Variants in DCC observed in about 807,000 individuals in gnomAD.
The protein encoded by DCC is netrin receptor DCC.
Under a neutral mutation model 172.5 loss-of-function variants are expected in DCC, and 58 were observed. That is an observed-to-expected ratio of 0.34 (90% CI 0.27 to 0.42). The LOEUF is 0.42. Ranked by LOEUF, DCC falls within the 10% of genes least tolerant of loss-of-function variation. The probability of loss-of-function intolerance (pLI) is 1.00; values close to 1 mark genes in which losing one functional copy is unlikely to be tolerated. For missense variants in DCC, 1,740 were observed against 1,791.0 expected (o/e 0.97, Z 0.51); for synonymous variants, 709 against 644.5 (o/e 1.10, Z -1.52).
At chr18:53,057,349 T>C (rs1599079097) in intron 5 of DCC, among the ~76,000 whole-genome samples, 2 of 152,216 alleles carry the variant, frequency 1.3e-5, no homozygotes, top group Admixed American at 1.3e-4. Context: ...CTCTTAACAA[T>C]TGCAGTCTGG....
At chr18:53,162,554 T>C (rs1014579016) in intron 8 of DCC, among the ~76,000 whole-genome samples, 3 of 152,140 alleles carry the variant, frequency 2.0e-5, no homozygotes, top group African/African-American at 7.2e-5. Flanking sequence ...CTCATGTTAC[T>C]TCTCTAACCT....
intron 5 of DCC, among the ~76,000 whole-genome samples, chr18:52,951,243 GCCT>G (rs2040641480): frequency 6.6e-6 from 1 of 152,022 alleles, no homozygotes; most frequent in African/African-American, 2.4e-5. Flanking sequence ...ACACTAACCT[GCCT>G]CCATAGGGCA....
intron 13 of DCC, among the ~76,000 whole-genome samples, chr18:53,315,120 C>A (rs564113469): frequency 1.3e-4 from 20 of 152,148 alleles, no homozygotes; most frequent in East Asian, 5.8e-4. Context: ...CCTAGCCCCC[C>A]ACTCCCTGAC....
chr18:52,910,081 G>GA (rs756356193), intron 3 of DCC, among the ~76,000 whole-genome samples: 1 of 152,164 alleles, frequency 6.6e-6, no homozygotes, highest in Non-Finnish European at 1.5e-5. Flanking sequence ...TGGTAAGGAG[G>GA]ATGAGGTGGA....
In DCC at chr18:53,339,886, T is replaced by C; in HGVS notation, c.2338T>C (p.Tyr780His). 6.2e-7 allele frequency: 1 copy of C among 1,613,714 alleles called. No individual in the cohort carries two copies. The highest frequency in any genetic ancestry group is 8.5e-7 in the Non-Finnish European group (1 of 1,179,760). Reference protein sequence around the residue: ...ETVRVDSKQRYYSIERLESSS... With the variant: ...ETVRVDSKQRHYSIERLESSS... ...AGTGCGTGTGGACAGCAAGCAGCGA[T>C]ATTATTCCATTGAGAGGTTAGGTGA... The change falls in exon 15 of 29, where the codon TAT (tyrosine) becomes CAT (histidine). Residue 780 changes from tyrosine (Y) to histidine (H), a missense_variant. Around this residue, in one of 2 missense-constraint regions of DCC, gnomAD observed 1,732 missense variants for 1,767.4 expected, o/e 0.98. Coordinates refer to ENST00000442544, the MANE Select transcript of DCC (RefSeq NM_005215.4).
intron 5 of DCC, among the ~76,000 whole-genome samples, chr18:53,062,569 G>T (rs1017779329): frequency 6.6e-6 from 1 of 152,044 alleles, no homozygotes; most frequent in Non-Finnish European, 1.5e-5. Context: ...CCTAGGCAAG[G>T]TTTTGTGGGC....
At chr18:52,869,909 C>T (rs1354657635) in intron 2 of DCC, among the ~76,000 whole-genome samples, 2 of 152,196 alleles carry the variant, frequency 1.3e-5, no homozygotes, top group African/African-American at 4.8e-5. Flanking sequence ...CCCAAGGGTG[C>T]AGAGTGCAGA....
intron 15 of DCC, among the ~76,000 whole-genome samples, chr18:53,351,823 C>T (rs1464145269): frequency 6.6e-6 from 1 of 151,826 alleles, no homozygotes; most frequent in Non-Finnish European, 1.5e-5. Context: ...TGTGTTTCTT[C>T]TAAGCACTTC....
At position 52,403,078 on chromosome 18, in the gene DCC, G is replaced by A. The variant is rs150574590; in HGVS notation, c.91+62200G>A. Among the ~76,000 whole-genome samples the A allele has an allele frequency of 3.9e-4, 59 of 152,102 alleles. No individual in the cohort carries two copies. The East Asian group carries it at 5.2e-3, about 13-fold the overall frequency. ...ATTTGGCTAAGAAAACAGGTGCAACGGTGAAAGTTTTGATGGTGGACAAAA... is the reference window on the plus strand; with the variant it reads ...ATTTGGCTAAGAAAACAGGTGCAACAGTGAAAGTTTTGATGGTGGACAAAA... On this transcript the variant is annotated intron_variant, in intron 1 of 28. Coordinates refer to ENST00000442544, the MANE Select transcript of DCC (RefSeq NM_005215.4).
chr18:52,578,039 A>T (rs1308344097), intron 1 of DCC, among the ~76,000 whole-genome samples: 1 of 152,190 alleles, frequency 6.6e-6, no homozygotes, highest in Non-Finnish European at 1.5e-5. Flanking sequence ...AACGAGGATT[A>T]TTCTTCACAC....
intron 5 of DCC, among the ~76,000 whole-genome samples, chr18:52,932,364 G>A (rs78324365): frequency 0.086 from 13,058 of 152,088 alleles, 930 homozygotes; most frequent in East Asian, 0.3. Flanking sequence ...ACTGCTTTGG[G>A]TCTAGATTGA....
At chr18:52,542,558 G>A (rs779339798) in intron 1 of DCC, among the ~76,000 whole-genome samples, 36 of 152,252 alleles carry the variant, frequency 2.4e-4, no homozygotes, top group Admixed American at 1.2e-3. Flanking sequence ...GAGCAGGGCC[G>A]GGTGCAGTGG....
chr18:52,735,534 A>C (rs2036713498), intron 1 of DCC, among the ~76,000 whole-genome samples: 2 of 152,122 alleles, frequency 1.3e-5, no homozygotes, highest in South Asian at 4.1e-4. Context: ...TCTGAGTCCC[A>C]AAACCTCCAA....
intron 1 of DCC, among the ~76,000 whole-genome samples, chr18:52,584,981 T>C (rs1287378954): frequency 6.6e-6 from 1 of 152,182 alleles, no homozygotes; most frequent in Non-Finnish European, 1.5e-5. Context: ...TTACTAAACA[T>C]TTAGAACTTC....
intron 12 of DCC, among the ~76,000 whole-genome samples, chr18:53,295,676 T>A (rs1015088408): frequency 6.6e-6 from 1 of 152,208 alleles, no homozygotes; most frequent in Non-Finnish European, 1.5e-5. Context: ...ATATGGGTAA[T>A]CTTTGTTTCT....
chr18:52,569,120 G>A (rs552713046), intron 1 of DCC, among the ~76,000 whole-genome samples: 70 of 152,244 alleles, frequency 4.6e-4, no homozygotes, highest in Non-Finnish European at 7.6e-4. Context: ...AGGATTTACC[G>A]GATGTTTATT....
At chr18:53,228,768 T>A (rs1343392603) in intron 12 of DCC, among the ~76,000 whole-genome samples, 1 of 152,148 alleles carries the variant, frequency 6.6e-6, no homozygotes, top group Admixed American at 6.6e-5. Context: ...ATTAAAGTTC[T>A]CAAACTTTAA....
At chr18:52,940,349 T>C (rs903282948) in intron 5 of DCC, among the ~76,000 whole-genome samples, 1 of 152,128 alleles carries the variant, frequency 6.6e-6, no homozygotes, top group Non-Finnish European at 1.5e-5. Context: ...GTAGATAGCC[T>C]TCAGGCAGAC....
chr18:53,401,169 T>G (rs976174362), intron 18 of DCC, among the ~76,000 whole-genome samples: 5 of 152,182 alleles, frequency 3.3e-5, no homozygotes, highest in African/African-American at 1.2e-4. Flanking sequence ...GGATATGGTT[T>G]CATTAAGCCA....
Sources: allele counts gnomAD v4.1 joint callset (sites outside exome capture counted in the v4.1 genomes callset), GRCh38; gene constraint gnomAD v4.1.1; regional missense constraint gnomAD v4.1.1; transcripts MANE v1.5; gene names NCBI Gene and HGNC (gene_info 2026-07-23, HGNC 2026-07-21).